Variants in PROCR observed in about 807,000 individuals in gnomAD.
The protein encoded by PROCR is endothelial protein C receptor.
PROCR carries 22 observed loss-of-function variants against 24.2 expected under a neutral mutation model. The ratio of observed to expected loss-of-function variants is 0.91; its 90% CI spans 0.65 to 1.30. PROCR has a LOEUF of 1.30. Ranked by LOEUF, PROCR falls within the 50% of genes most tolerant of loss-of-function variation. The pLI is 0.00. For missense variants in PROCR, 288 were observed against 307.7 expected (o/e 0.94, Z 0.48); for synonymous variants, 137 against 139.2 (o/e 0.98, Z 0.11).
intron 1 of PROCR, among the ~76,000 whole-genome samples, chr20:35,195,031 T>C (rs1466736064): frequency 6.6e-6 from 1 of 152,186 alleles, no homozygotes; most frequent in Non-Finnish European, 1.5e-5. Context: ...TAGAATTATC[T>C]GACAAAAACT....
At chr20:35,210,225 C>G (rs2060356691) in intron 1 of PROCR, among the ~76,000 whole-genome samples, 1 of 151,860 alleles carries the variant, frequency 6.6e-6, no homozygotes, top group Non-Finnish European at 1.5e-5. Flanking sequence ...GACCCTATCT[C>G]TAAGAAAATA....
At chr20:35,212,041 T>G in intron 1 of PROCR, among the ~76,000 whole-genome samples, 1 of 150,870 alleles carries the variant, frequency 6.6e-6, no homozygotes, top group South Asian at 2.1e-4. Flanking sequence ...ACAAACACTG[T>G]GATAAAGAGT....
At chr20:35,185,774 A>G (rs991981753) in intron 1 of PROCR, among the ~76,000 whole-genome samples, 1 of 152,168 alleles carries the variant, frequency 6.6e-6, no homozygotes, top group Non-Finnish European at 1.5e-5. Context: ...GACTACAAAT[A>G]TGGTGCATTG....
intron 1 of PROCR, among the ~76,000 whole-genome samples, chr20:35,184,019 C>G (rs368503493): frequency 2.0e-5 from 3 of 152,230 alleles, no homozygotes; most frequent in African/African-American, 7.2e-5. Flanking sequence ...CATCAAAATA[C>G]CACCATCATT....
chr20:35,193,701 T>G (rs890099808), intron 1 of PROCR, among the ~76,000 whole-genome samples: 3 of 152,224 alleles, frequency 2.0e-5, no homozygotes, highest in Non-Finnish European at 4.4e-5. Context: ...TGGTGGGAAA[T>G]GCATTCATTA....
chr20:35,211,732 G>A (rs940976413), intron 1 of PROCR, among the ~76,000 whole-genome samples: 5 of 152,102 alleles, frequency 3.3e-5, no homozygotes, highest in African/African-American at 9.7e-5. Flanking sequence ...CACTGTGATC[G>A]GCTGGGCGTG....
downstream of PROCR, among the ~76,000 whole-genome samples, chr20:35,181,952 G>A (rs73903026): frequency 0.083 from 12,562 of 152,194 alleles, 1,759 homozygotes; most frequent in African/African-American, 0.29. Context: ...GCCACAGCTG[G>A]AAGCACTACC....
intron 1 of PROCR, among the ~76,000 whole-genome samples, chr20:35,188,737 C>T (rs1322282095): frequency 6.6e-6 from 1 of 152,130 alleles, no homozygotes; most frequent in Admixed American, 6.5e-5. Flanking sequence ...ATTAAGAATG[C>T]CATGCTAAGA....
intron 1 of PROCR, among the ~76,000 whole-genome samples, chr20:35,186,523 G>A (rs1380396298): frequency 2.8e-5 from 4 of 142,360 alleles, no homozygotes; most frequent in Admixed American, 1.5e-4. Context: ...CCAAGATCGC[G>A]CCATTGCACT....
chr20:35,207,812 G>T (rs2060347993), intron 1 of PROCR, among the ~76,000 whole-genome samples: 1 of 152,092 alleles, frequency 6.6e-6, no homozygotes, highest in African/African-American at 2.4e-5. Context: ...TTACAGGTGT[G>T]AGCCACCACG....
chr20:35,188,240 T>C (rs1219506968), intron 1 of PROCR, among the ~76,000 whole-genome samples: 1 of 152,138 alleles, frequency 6.6e-6, no homozygotes, highest in African/African-American at 2.4e-5. Flanking sequence ...GATGCAAAAG[T>C]GGGTAAAACA....
downstream of PROCR, among the ~76,000 whole-genome samples, chr20:35,178,507 G>GTTTTGTTTTT (rs1272557859): frequency 2.2e-3 from 76 of 34,374 alleles, 23 homozygotes; most frequent in African/African-American, 6.0e-3. Flanking sequence ...TCAAGTCTCA[G>GTTTTGTTTTT]TTTTTTTTTT....
At chr20:35,198,184 C>T (rs1026280514) in intron 1 of PROCR, among the ~76,000 whole-genome samples, 2 of 151,314 alleles carry the variant, frequency 1.3e-5, no homozygotes, top group Non-Finnish European at 2.9e-5. Context: ...TCCAGCTACT[C>T]GGGAGGCTGA....
At chr20:35,196,631 C>A (rs2086218844) in intron 1 of PROCR, among the ~76,000 whole-genome samples, 2 of 152,052 alleles carry the variant, frequency 1.3e-5, no homozygotes, top group African/African-American at 2.4e-5. Context: ...AGTGAATATT[C>A]CCTTTGAGAA....
chr20:35,214,686 C>T (rs2060374845), intron 1 of PROCR, among the ~76,000 whole-genome samples: 1 of 132,024 alleles, frequency 7.6e-6, no homozygotes, highest in Non-Finnish European at 1.6e-5. Flanking sequence ...GAAACTCCAT[C>T]TCAAAAAAAA....
intron 1 of PROCR, 70 bp from the exon 2 acceptor site, chr20:35,174,632 G>C (rs1055325858): frequency 2.2e-5 from 35 of 1,598,280 alleles, no homozygotes; most frequent in Non-Finnish European, 2.9e-5. Context: ...TCGAGGTAGG[G>C]GGTTATTATC....
intron 1 of PROCR, among the ~76,000 whole-genome samples, chr20:35,195,150 C>A (rs2086204929): frequency 6.6e-6 from 1 of 151,872 alleles, no homozygotes; most frequent in Non-Finnish European, 1.5e-5. Flanking sequence ...GAAAAAGAAC[C>A]AAATAGAAAT....
At chr20:35,177,973 T>A (rs988710245), downstream of PROCR, among the ~76,000 whole-genome samples, 2 of 152,190 alleles carry the variant, frequency 1.3e-5, no homozygotes, top group Non-Finnish European at 2.9e-5. Flanking sequence ...GCTGGCTTCC[T>A]TAGAATTCCA....
chr20:35,209,663 G>A (rs532514306), intron 1 of PROCR, among the ~76,000 whole-genome samples: 5 of 152,324 alleles, frequency 3.3e-5, no homozygotes, highest in African/African-American at 1.2e-4. Flanking sequence ...TCAGGAATGT[G>A]CAATGATGCC....
Sources: allele counts gnomAD v4.1 joint callset (sites outside exome capture counted in the v4.1 genomes callset), GRCh38; gene constraint gnomAD v4.1.1; transcripts MANE v1.5; gene names NCBI Gene and HGNC (gene_info 2026-07-23, HGNC 2026-07-21).